The following NAV2 variants were observed in gnomAD, a reference collection of about 807,000 sequenced individuals.
NAV2 encodes neuron navigator 2, also known as helicase, APC down-regulated 1.
A neutral mutation model predicts 223.2 loss-of-function variants in NAV2; 54 were observed. The ratio of observed to expected loss-of-function variants is 0.24; its 90% CI spans 0.19 to 0.30. NAV2 has a LOEUF of 0.30. Among genes scored for constraint, NAV2 ranks in the 10% least tolerant of loss-of-function variants. NAV2 has a pLI of 1.00. For synonymous variants in NAV2, 1,279 were observed against 1,239.3 expected, an observed-to-expected ratio of 1.03 and a Z score of -0.67; for missense variants, 2,806 against 3,147.5, an observed-to-expected ratio of 0.89 and a Z score of 2.60.
At chr11:19,734,401 T>C (rs1239462384) in intron 1 of NAV2, among the ~76,000 whole-genome samples, 1 of 152,208 alleles carries the variant, frequency 6.6e-6, no homozygotes. Context: ...GAAGGGACAC[T>C]GGATGGGTTA....
At chr11:19,720,526 G>A (rs984645986) in intron 1 of NAV2, among the ~76,000 whole-genome samples, 1 of 152,090 alleles carries the variant, frequency 6.6e-6, no homozygotes, top group African/African-American at 2.4e-5. Context: ...CAATCCTTCC[G>A]TTCATCTTGG....
chr11:20,112,840 C>G (rs2062754684), intron 36 of NAV2, among the ~76,000 whole-genome samples: 1 of 152,212 alleles, frequency 6.6e-6, no homozygotes, highest in South Asian at 2.1e-4. Flanking sequence ...GGCCCCAGCT[C>G]CTTCCCCTTG....
chr11:19,995,631 G>A (rs1190915719), intron 11 of NAV2, among the ~76,000 whole-genome samples: 1 of 152,164 alleles, frequency 6.6e-6, no homozygotes, highest in African/African-American at 2.4e-5. Flanking sequence ...AAGGAGAAGT[G>A]CAAAGAGGAC....
chr11:19,446,307 G>T (rs1851580623), intron 1 of NAV2, among the ~76,000 whole-genome samples: 1 of 152,090 alleles, frequency 6.6e-6, no homozygotes, highest in Non-Finnish European at 1.5e-5. Context: ...TGGGTTCCTA[G>T]ATGCCTCCAT....
intron 1 of NAV2, among the ~76,000 whole-genome samples, chr11:19,724,624 C>A (rs1170133929): frequency 6.6e-6 from 1 of 152,254 alleles, no homozygotes; most frequent in Non-Finnish European, 1.5e-5. Context: ...TAGGCCAACA[C>A]TGACCACCTC....
At chr11:19,741,408 C>T (rs2052782447) in intron 1 of NAV2, among the ~76,000 whole-genome samples, 1 of 151,524 alleles carries the variant, frequency 6.6e-6, no homozygotes, top group South Asian at 2.1e-4. Flanking sequence ...TTCTATATCT[C>T]CCCATTCTTT....
intron 1 of NAV2, among the ~76,000 whole-genome samples, chr11:19,748,506 A>G (rs958343833): frequency 2.0e-5 from 3 of 152,116 alleles, no homozygotes; most frequent in Non-Finnish European, 4.4e-5. Flanking sequence ...TTACCTGTAA[A>G]CTAGTTATAA....
At chr11:19,609,338 T>C (rs1208004284) in intron 1 of NAV2, among the ~76,000 whole-genome samples, 1 of 151,476 alleles carries the variant, frequency 6.6e-6, no homozygotes, top group East Asian at 1.9e-4. Flanking sequence ...GAGTTGCAAA[T>C]TGAGAAAGAG....
chr11:19,633,812 A>G (rs1440019453), intron 1 of NAV2, among the ~76,000 whole-genome samples: 1 of 152,234 alleles, frequency 6.6e-6, no homozygotes, highest in Non-Finnish European at 1.5e-5. Context: ...ACCCCTGTTC[A>G]GAAGGTAGGC....
At chr11:19,488,241 T>A (rs950134428) in intron 1 of NAV2, among the ~76,000 whole-genome samples, 3 of 152,220 alleles carry the variant, frequency 2.0e-5, no homozygotes, top group African/African-American at 4.8e-5. Flanking sequence ...TTGCTTTTTG[T>A]ATCCGTTGAT....
chr11:20,004,593 G>A (rs961354774), intron 11 of NAV2, among the ~76,000 whole-genome samples: 2 of 152,110 alleles, frequency 1.3e-5, no homozygotes, highest in Non-Finnish European at 1.5e-5. Flanking sequence ...TTTTCAGAGG[G>A]GCTCAGTCCT....
chr11:19,881,890 A>G (rs184653511), intron 5 of NAV2, among the ~76,000 whole-genome samples: 2 of 152,208 alleles, frequency 1.3e-5, no homozygotes, highest in South Asian at 2.1e-4. Context: ...AAACAAGGTT[A>G]TTATAGCTTA....
chr11:20,107,547 C>T, intron 35 of NAV2, 117 bp from the exon 36 acceptor site: 1 of 766,930 alleles, frequency 1.3e-6, no homozygotes, highest in Non-Finnish European at 2.2e-6. Flanking sequence ...CTCAGCCCTG[C>T]CATCCCTCAG....
chr11:19,999,063 T>C (rs1420716468), intron 11 of NAV2, among the ~76,000 whole-genome samples: 4 of 152,238 alleles, frequency 2.6e-5, no homozygotes, highest in Non-Finnish European at 5.9e-5. Flanking sequence ...GCAGGGCTGA[T>C]GTGCAAAATG....
chr11:19,903,684 A>G (rs1453195783), intron 6 of NAV2, among the ~76,000 whole-genome samples: 2 of 151,112 alleles, frequency 1.3e-5, no homozygotes, highest in Admixed American at 1.3e-4. Context: ...TGGCTCCAGG[A>G]CAGCCTAGGA....
chr11:19,816,331 C>A (rs1002159035), intron 1 of NAV2, among the ~76,000 whole-genome samples: 4 of 152,258 alleles, frequency 2.6e-5, no homozygotes. Context: ...GCCTTTGCTA[C>A]ACAACTTTCC....
At chr11:19,835,108 G>A (rs931728637) in intron 2 of NAV2, among the ~76,000 whole-genome samples, 1 of 152,212 alleles carries the variant, frequency 6.6e-6, no homozygotes, top group African/African-American at 2.4e-5. Context: ...GAAAATGTAA[G>A]TTAGCAGTTT....
chr11:19,804,080 A>G (rs1227907216), intron 1 of NAV2, among the ~76,000 whole-genome samples: 2 of 152,180 alleles, frequency 1.3e-5, no homozygotes, highest in Non-Finnish European at 2.9e-5. Flanking sequence ...GGTCAGTGAG[A>G]AGAGCCAGAC....
At chr11:19,657,427 C>T (rs113464986) in intron 1 of NAV2, among the ~76,000 whole-genome samples, 2 of 152,324 alleles carry the variant, frequency 1.3e-5, no homozygotes, top group African/African-American at 4.8e-5. Context: ...GATTTGAACT[C>T]AAGTTAATTT....
Sources: gnomAD v4.1 joint callset for allele counts (sites outside exome capture counted in the v4.1 genomes callset) on GRCh38, gnomAD v4.1.1 for gene constraint, MANE v1.5 for transcripts, NCBI Gene and HGNC (gene_info 2026-07-23, HGNC 2026-07-21) for gene names.